MTHFD1: variants seen among roughly 807,000 people sequenced by gnomAD.
MTHFD1 encodes the protein methylenetetrahydrofolate dehydrogenase, cyclohydrolase and formyltetrahydrofolate synthetase 1.
A neutral mutation model predicts 110.3 loss-of-function variants in MTHFD1; 44 were observed. That is an observed-to-expected ratio of 0.40 (90% confidence interval 0.31 to 0.51). The LOEUF (loss-of-function observed/expected upper bound fraction) is 0.51. Ranked by LOEUF, MTHFD1 falls within the 20% of genes least tolerant of loss-of-function variation. MTHFD1 has a pLI of 0.60. For missense variants in MTHFD1, 909 were observed against 1,173.1 expected (o/e 0.77, Z 3.29); for synonymous variants, 402 against 428.8 (o/e 0.94, Z 0.77).
At chr14:64,401,013 C>T (rs1596532388) in intron 2 of MTHFD1, 136 bp downstream of exon 2, 1 of 708,330 alleles carries the variant, frequency 1.4e-6, no homozygotes, top group Non-Finnish European at 2.5e-6. Flanking sequence ...TCTTGGCAGG[C>T]TCCCCCCTTT....
At chr14:64,447,956 C>A in intron 22 of MTHFD1, 1 of 512,136 alleles carries the variant, frequency 2.0e-6, no homozygotes. Flanking sequence ...GGAAACATAC[C>A]AGCTCTTTTT....
rs141241076 is a variant in MTHFD1 at position 64,419,747 on chromosome 14, T to C, written c.616-67T>C. The C allele has an allele frequency of 1.5e-3, 1,567 of 1,045,256 alleles. 21 individuals are homozygous for C. The highest frequency in any genetic ancestry group is 0.012 in the South Asian group (901 of 78,264). The allele number at this position is 1,045,256 out of a possible 1,614,324, so 64.7% of individuals were successfully genotyped here. ...ACAAAGCTCAGGGATATCCTTTTCA[T>C]TTCTGGGTTTTTTTTTGGTGTGTAT... On this transcript the variant is annotated intron_variant, in intron 7 of 27. Coordinates refer to ENST00000652337, the MANE Select transcript of MTHFD1 (RefSeq NM_005956.4).
In MTHFD1 at chr14:64,458,383, G is replaced by A. The variant is rs192843872; in HGVS notation, c.*4+76G>A. 2.6e-4 allele frequency: 256 copies of A among 975,766 alleles called. 2 individuals are homozygous for A. The African/African-American group carries it at 3.2e-3, about 12-fold the overall frequency. 60.4% of individuals were successfully genotyped at this position (975,766 alleles called of 1,614,324 possible). A position where few individuals can be genotyped will look rare whatever the true frequency, so the allele number is the denominator to read the frequency against. ...TATGAATTATAGGGCTCAAACTGACGCTATAAAAATTCACATTCTAATGCT... is the reference window on the plus strand; with the variant it reads ...TATGAATTATAGGGCTCAAACTGACACTATAAAAATTCACATTCTAATGCT... On this transcript the variant is annotated intron_variant, in intron 27 of 27. Coordinates refer to ENST00000652337, the MANE Select transcript of MTHFD1 (RefSeq NM_005956.4).
At chr14:64,426,930 C>G (rs1284776334) in intron 11 of MTHFD1, among the ~76,000 whole-genome samples, 1 of 152,124 alleles carries the variant, frequency 6.6e-6, no homozygotes, top group Non-Finnish European at 1.5e-5. Context: ...ATATTTGCTT[C>G]TTACAGCAAG....
Position 64,411,156 on chromosome 14 carries a change from C to G in MTHFD1, c.186+7C>G. 3 of 1,610,468 alleles carry G rather than the reference C, an allele frequency of 1.9e-6. No individual in the cohort carries two copies. Among genetic ancestry groups the G allele is most frequent in the Non-Finnish European group, 2.5e-6 (3 of 1,177,924 alleles). On this transcript the variant is annotated splice_region_variant and intron_variant, in intron 3 of 27. Coordinates refer to ENST00000652337, the MANE Select transcript of MTHFD1 (RefSeq NM_005956.4). ...GCTGAAGGCTGCTGAAGAGGTAACG[C>G]CAGAAGAGCTGTGCCATCACCCTCC...
At chr14:64,424,609 T>A (rs1198053412) in intron 8 of MTHFD1, among the ~76,000 whole-genome samples, 195 bp from the exon 9 acceptor site, 1 of 152,210 alleles carries the variant, frequency 6.6e-6, no homozygotes, top group Non-Finnish European at 1.5e-5. Flanking sequence ...TTATGCATCT[T>A]GTGAATTTTT....
chr14:64,429,261 A>AACATATATATATATATATATATAT (rs11158541), intron 12 of MTHFD1, among the ~76,000 whole-genome samples: 1,492 of 108,154 alleles, frequency 0.014, 200 homozygotes, highest in South Asian at 0.073. Flanking sequence ...TGTCTAAAAA[A>AACATATATATATATATATATATAT]ATATATATCT....
intron 24 of MTHFD1, among the ~76,000 whole-genome samples, chr14:64,452,059 G>A (rs1321694261): frequency 1.3e-5 from 2 of 152,226 alleles, no homozygotes; most frequent in South Asian, 4.1e-4. Flanking sequence ...ACTTTGGGAA[G>A]CTGAGGTGGG....
intron 17 of MTHFD1, chr14:64,439,378 C>T: frequency 3.4e-6 from 2 of 592,596 alleles, no homozygotes; most frequent in East Asian, 2.9e-5. Flanking sequence ...TGTGTTTTTC[C>T]CCCGGCATTT....
chr14:64,449,001 G>A (rs1001311432), intron 23 of MTHFD1: 25 of 278,348 alleles, frequency 9.0e-5, no homozygotes, highest in South Asian at 5.3e-4. Flanking sequence ...GGGTTTCACC[G>A]TGTTAGCCAG....
chr14:64,400,842 G>C lies in MTHFD1; in HGVS notation c.91G>C (p.Val31Leu). The C allele has an allele frequency of 1.2e-6, 2 of 1,613,828 alleles. No homozygotes were observed. The highest frequency in any genetic ancestry group is 8.5e-7 in the Non-Finnish European group (1 of 1,179,788). The part of the protein sequence containing the change: ...KNQVTQLKEQ[V>L]PGFTPRLAIL... ...TCAAGTCACTCAGTTGAAGGAGCAAGTACCTGGTTTCACACCACGCCTGGC... is the reference window on the plus strand; with the variant it reads ...TCAAGTCACTCAGTTGAAGGAGCAACTACCTGGTTTCACACCACGCCTGGC... The change falls in exon 2 of 28, where the codon GTA becomes CTA. Residue 31 changes from valine (V) to leucine (L), a missense_variant. This residue lies in a region of MTHFD1 where 424 missense variants were observed against 510.4 expected (regional missense o/e 0.83). Coordinates refer to ENST00000652337, the MANE Select transcript of MTHFD1 (RefSeq NM_005956.4).
chr14:64,432,493 GAATA>G (rs1291264260), intron 15 of MTHFD1, among the ~76,000 whole-genome samples: 1 of 152,140 alleles, frequency 6.6e-6, no homozygotes, highest in Non-Finnish European at 1.5e-5. Flanking sequence ...TTCATTGGAT[GAATA>G]AATAAACAAA....
intron 26 of MTHFD1, chr14:64,455,318 T>C (rs1566579305): frequency 1.2e-5 from 2 of 168,498 alleles, no homozygotes; most frequent in African/African-American, 4.8e-5. Flanking sequence ...AGGGGGTTCA[T>C]TATTTTTAAG....
chr14:64,423,508 C>T (rs1224682698), intron 8 of MTHFD1, among the ~76,000 whole-genome samples: 1 of 151,758 alleles, frequency 6.6e-6, no homozygotes. Context: ...GAGTCTCCTG[C>T]CTCAGCCTCT....
chr14:64,395,287 C>A (rs767565013), intron 1 of MTHFD1, among the ~76,000 whole-genome samples: 1 of 152,244 alleles, frequency 6.6e-6, no homozygotes, highest in South Asian at 2.1e-4. Flanking sequence ...TCTTAACACA[C>A]TTATGCCTGT....
At chr14:64,441,324 G>T in intron 18 of MTHFD1, 61 bp from the exon 19 acceptor site, 2 of 1,497,134 alleles carry the variant, frequency 1.3e-6, no homozygotes, top group Non-Finnish European at 1.9e-6. Context: ...TCAAATATTG[G>T]TTTCAGAAGG....
At chr14:64,439,037 C>T in intron 16 of MTHFD1, 59 bp from the exon 17 acceptor site, 1 of 1,230,418 alleles carries the variant, frequency 8.1e-7, no homozygotes, top group Middle Eastern at 1.9e-4. Flanking sequence ...TCTGCTGCTT[C>T]CTTTAACTTT....
At chr14:64,391,398 C>G (rs918183153) in intron 1 of MTHFD1, among the ~76,000 whole-genome samples, 1 of 152,204 alleles carries the variant, frequency 6.6e-6, no homozygotes, top group African/African-American at 2.4e-5. Context: ...CTCCTGACCT[C>G]AAGTGATCTG....
intron 1 of MTHFD1, among the ~76,000 whole-genome samples, chr14:64,397,144 T>TCCCCTGCCCCA (rs1566553044): frequency 0.23 from 431 of 1,838 alleles, 61 homozygotes; most frequent in African/African-American, 0.44. Context: ...AAAAAATATA[T>TCCCCTGCCCCA]ATATATATAT....
Sources: gnomAD v4.1 joint callset for allele counts (sites outside exome capture counted in the v4.1 genomes callset) on GRCh38, gnomAD v4.1.1 for gene constraint, gnomAD v4.1.1 regional missense constraint, MANE v1.5 for transcripts, NCBI Gene and HGNC (gene_info 2026-07-23, HGNC 2026-07-21) for gene names.